Variants in DMRT1 observed in about 807,000 individuals in gnomAD.
DMRT1 encodes doublesex and mab-3 related transcription factor 1.
DMRT1 carries 7 observed loss-of-function variants against 32.3 expected under a neutral mutation model. That is an observed-to-expected ratio of 0.22 (90% CI 0.12 to 0.41). DMRT1 has a LOEUF of 0.41. DMRT1 is among the 10% of genes least tolerant of loss of function. The pLI is 1.00. For missense variants in DMRT1, 625 were observed against 500.5 expected (o/e 1.25, Z -2.37); for synonymous variants, 278 against 206.1 (o/e 1.35, Z -2.99).
chr9:855,662 C>G (rs1815368023), intron 2 of DMRT1, among the ~76,000 whole-genome samples: 1 of 152,208 alleles, frequency 6.6e-6, no homozygotes, highest in African/African-American at 2.4e-5. Context: ...CTTTTTAGCC[C>G]AGGCTAGAAT....
intron 1 of DMRT1, among the ~76,000 whole-genome samples, chr9:843,854 C>G (rs11790381): frequency 0.021 from 3,176 of 152,288 alleles, 65 homozygotes; most frequent in Middle Eastern, 0.065. Flanking sequence ...TTTGGCTTCA[C>G]AGATGGCGAG....
At chr9:857,062 C>T (rs969003990) in intron 2 of DMRT1, among the ~76,000 whole-genome samples, 1 of 152,154 alleles carries the variant, frequency 6.6e-6, no homozygotes, top group Admixed American at 6.5e-5. Flanking sequence ...CACCTGTAAT[C>T]CCAGCACTTT....
intron 4 of DMRT1, among the ~76,000 whole-genome samples, chr9:922,645 C>G (rs1818392054): frequency 6.6e-6 from 1 of 152,146 alleles, no homozygotes; most frequent in African/African-American, 2.4e-5. Context: ...ATATTTTTGT[C>G]TGTTTATTTT....
chr9:967,913 T>G (rs1819982344), intron 4 of DMRT1, 72 bp from the exon 5 acceptor site: 2 of 1,408,550 alleles, frequency 1.4e-6, no homozygotes, highest in Non-Finnish European at 2.0e-6. Context: ...ATAATGAATG[T>G]ATAAAGACCA....
chr9:899,281 T>G (rs1036197394), intron 3 of DMRT1, among the ~76,000 whole-genome samples: 3 of 152,288 alleles, frequency 2.0e-5, no homozygotes, highest in African/African-American at 7.2e-5. Flanking sequence ...TCGTCATAAC[T>G]TTTTAAAGCT....
Position 930,630 on chromosome 9 carries a change from G to C in DMRT1, c.967+13723G>C, listed in dbSNP as rs191138659. ...TCACCATGTTAGCCAGGATGGTCTCGATCTCCTGACCTCGTGATCTGCCTG... is the reference window on the plus strand; with the variant it reads ...TCACCATGTTAGCCAGGATGGTCTCCATCTCCTGACCTCGTGATCTGCCTG... On this transcript the variant is annotated intron_variant, in intron 4 of 4. Transcript: ENST00000382276. Among the ~76,000 whole-genome samples the C allele has an allele frequency of 2.8e-3, 427 of 152,032 alleles. 5 individuals carry two copies. Among genetic ancestry groups the C allele is most frequent in the African/African-American group, 9.2e-3 (381 of 41,464 alleles).
chr9:926,877 G>T (rs570007027), intron 4 of DMRT1, among the ~76,000 whole-genome samples: 1 of 152,332 alleles, frequency 6.6e-6, no homozygotes, highest in African/African-American at 2.4e-5. Flanking sequence ...TCAGTAGAGG[G>T]ACCCAGCTCT....
intron 3 of DMRT1, among the ~76,000 whole-genome samples, chr9:910,131 A>T (rs1817922170): frequency 6.6e-6 from 1 of 152,208 alleles, no homozygotes; most frequent in African/African-American, 2.4e-5. Flanking sequence ...TAGAGCCTCC[A>T]GTGAAGCTGA....
chr9:882,767 T>TTTC (rs1816782091), intron 2 of DMRT1, among the ~76,000 whole-genome samples: 1 of 148,610 alleles, frequency 6.7e-6, no homozygotes, highest in East Asian at 2.0e-4. Context: ...AATCTTTTTT[T>TTTC]TTTTTTTTTT....
chr9:882,664 G>A (rs1020051166), intron 2 of DMRT1, among the ~76,000 whole-genome samples: 1 of 151,548 alleles, frequency 6.6e-6, no homozygotes, highest in African/African-American at 2.4e-5. Flanking sequence ...TTGAAGGCCT[G>A]TGTTTGCTCA....
chr9:851,063 G>A, intron 2 of DMRT1, among the ~76,000 whole-genome samples: 1 of 149,482 alleles, frequency 6.7e-6, no homozygotes, highest in Non-Finnish European at 1.5e-5. Context: ...AAATAGACGT[G>A]GAAGGCTACG....
At chr9:875,297 G>A (rs1405340649) in intron 2 of DMRT1, among the ~76,000 whole-genome samples, 1 of 152,132 alleles carries the variant, frequency 6.6e-6, no homozygotes. Flanking sequence ...AGTTACAGAT[G>A]ATACCAGGTG....
At chr9:848,538 CTT>C (rs1290669066) in intron 2 of DMRT1, among the ~76,000 whole-genome samples, 3 of 137,160 alleles carry the variant, frequency 2.2e-5, no homozygotes, top group Non-Finnish European at 3.1e-5. Flanking sequence ...AGTTTCCAAA[CTT>C]TTGTTTCCTT....
At chr9:895,037 ACTC>A (rs1817301184) in intron 3 of DMRT1, 1 of 151,148 alleles carries the variant, frequency 6.6e-6, no homozygotes, top group Non-Finnish European at 1.5e-5. Context: ...CTGGTCTTGA[ACTC>A]CTGACCTCAG....
chr9:901,047 C>G (rs902330414), intron 3 of DMRT1, among the ~76,000 whole-genome samples: 6 of 151,632 alleles, frequency 4.0e-5, no homozygotes, highest in Admixed American at 1.3e-4. Context: ...AAGGATCTTG[C>G]TCTCTCACCC....
intron 4 of DMRT1, among the ~76,000 whole-genome samples, chr9:944,421 A>G (rs1339944812): frequency 1.3e-5 from 2 of 152,168 alleles, no homozygotes; most frequent in African/African-American, 4.8e-5. Flanking sequence ...CAATAAACAC[A>G]TATACAATTT....
At chr9:903,251 G>A (rs766820124) in intron 3 of DMRT1, among the ~76,000 whole-genome samples, 2 of 152,138 alleles carry the variant, frequency 1.3e-5, no homozygotes, top group Admixed American at 6.5e-5. Context: ...AAGGAGCAGT[G>A]AGAGTCCTTG....
intron 2 of DMRT1, among the ~76,000 whole-genome samples, chr9:884,192 C>G (rs939596357): frequency 3.9e-5 from 6 of 151,920 alleles, no homozygotes; most frequent in Non-Finnish European, 5.9e-5. Context: ...ATGACACCAG[C>G]AAAGAGGGGG....
chr9:847,765 G>T (rs1838968352), intron 2 of DMRT1, among the ~76,000 whole-genome samples: 1 of 152,190 alleles, frequency 6.6e-6, no homozygotes, highest in Non-Finnish European at 1.5e-5. Context: ...ACTGCACTAG[G>T]TCTCTAAATT....
Sources: allele counts gnomAD v4.1 joint callset (sites outside exome capture counted in the v4.1 genomes callset), GRCh38; gene constraint gnomAD v4.1.1; transcripts MANE v1.5; gene names NCBI Gene and HGNC (gene_info 2026-07-23, HGNC 2026-07-21).